Variants in MAN2A1 observed in about 807,000 individuals in gnomAD.
The protein encoded by MAN2A1 is mannosidase alpha class 2A member 1.
In MAN2A1, 76 loss-of-function variants were observed where a neutral mutation model predicts 142.6. The observed-to-expected ratio is 0.53, with a 90% CI of 0.44 to 0.65. The LOEUF (loss-of-function observed/expected upper bound fraction) is 0.65, where lower values mean the gene tolerates loss of function less well. Ranked by LOEUF, MAN2A1 falls within the 30% of genes least tolerant of loss-of-function variation. The pLI is 0.00. For synonymous variants in MAN2A1, 559 were observed against 473.2 expected, an observed-to-expected ratio of 1.18 and a Z score of -2.35; for missense variants, 1,311 against 1,365.1, an observed-to-expected ratio of 0.96 and a Z score of 0.62.
intron 10 of MAN2A1, among the ~76,000 whole-genome samples, chr5:109,787,872 T>G (rs1274541161): frequency 6.6e-6 from 1 of 151,878 alleles, no homozygotes; most frequent in Non-Finnish European, 1.5e-5. Context: ...GTTGGGAAGT[T>G]TAGTTAGATT....
chr5:109,855,177 T>TTA lies in MAN2A1; in HGVS notation c.3015_3016dup (p.Ser1006IlefsTer4). On this transcript the variant is annotated frameshift_variant, in exon 20 of 22. Transcript: ENST00000261483. LOFTEE classifies it high-confidence loss of function. ...AAGTCGGTCAGTTATCCTTCTCTCCTTAGCCACATAACTTCTTCTCTCATG... is the reference window on the plus strand; with the variant it reads ...AAGTCGGTCAGTTATCCTTCTCTCCTTATAGCCACATAACTTCTTCTCTCATG... 6.3e-7 allele frequency: 1 copy of TTA among 1,595,110 alleles called. No individual in the cohort carries two copies. Among genetic ancestry groups the TTA allele is most frequent in the Non-Finnish European group, 8.5e-7 (1 of 1,174,086 alleles).
At chr5:109,736,123 C>T (rs563541870) in intron 4 of MAN2A1, among the ~76,000 whole-genome samples, 1 of 151,956 alleles carries the variant, frequency 6.6e-6, no homozygotes, top group Non-Finnish European at 1.5e-5. Flanking sequence ...AGTTTTTACA[C>T]TGAAATGTTA....
chr5:109,747,215 TC>T (rs1285226433), intron 4 of MAN2A1, among the ~76,000 whole-genome samples: 1 of 152,184 alleles, frequency 6.6e-6, no homozygotes, highest in Admixed American at 6.5e-5. Context: ...TTTTTTTTAA[TC>T]ACTGTCATTT....
At chr5:109,780,540 G>GTGTGTGTA (rs1753428438) in intron 8 of MAN2A1, among the ~76,000 whole-genome samples, 1 of 151,134 alleles carries the variant, frequency 6.6e-6, no homozygotes, top group South Asian at 2.1e-4. Flanking sequence ...GTGTGTGTGT[G>GTGTGTGTA]TGTGTGTGTA....
chr5:109,717,819 G>A (rs765640983), intron 3 of MAN2A1, among the ~76,000 whole-genome samples: 4 of 152,130 alleles, frequency 2.6e-5, no homozygotes, highest in Non-Finnish European at 4.4e-5. Context: ...TAGTTATAAA[G>A]TAATTATAAA....
intron 20 of MAN2A1, among the ~76,000 whole-genome samples, chr5:109,859,709 A>G (rs1463634231): frequency 1.3e-5 from 2 of 152,162 alleles, no homozygotes; most frequent in African/African-American, 4.8e-5. Context: ...GATTGGGTAG[A>G]GAAGATGCAG....
chr5:109,792,562 A>G (rs537988966), intron 12 of MAN2A1, among the ~76,000 whole-genome samples: 1 of 152,274 alleles, frequency 6.6e-6, no homozygotes, highest in South Asian at 2.1e-4. Flanking sequence ...CCTGATGGTC[A>G]AATGTTTTAG....
intron 16 of MAN2A1, among the ~76,000 whole-genome samples, chr5:109,834,240 A>G (rs751920155): frequency 3.9e-5 from 6 of 152,214 alleles, no homozygotes; most frequent in Non-Finnish European, 5.9e-5. Flanking sequence ...GTCCTAGACC[A>G]GCCCAAGCCT....
chr5:109,836,809 T>G (rs1334995986), intron 16 of MAN2A1, among the ~76,000 whole-genome samples: 1 of 152,160 alleles, frequency 6.6e-6, no homozygotes, highest in Non-Finnish European at 1.5e-5. Flanking sequence ...TGTGTCTGTC[T>G]CCATCCACTC....
Position 109,867,059 on chromosome 5 carries a change from G to T in MAN2A1, c.*61G>T. On this transcript the variant is annotated 3_prime_UTR_variant, in exon 22 of 22. Coordinates refer to ENST00000261483, the MANE Select transcript of MAN2A1 (RefSeq NM_002372.4). ...TTTTATACCTTTCTTGGTTTGACGTGCAATAAAGAAGCACATTATTTTAGC... is the reference window on the plus strand; with the variant it reads ...TTTTATACCTTTCTTGGTTTGACGTTCAATAAAGAAGCACATTATTTTAGC... 4 of 1,362,302 alleles carry T rather than the reference G, an allele frequency of 2.9e-6. No homozygotes were observed. Among genetic ancestry groups the T allele is most frequent in the Non-Finnish European group, 4.0e-6 (4 of 1,000,566 alleles). 84.4% of individuals were successfully genotyped at this position (1,362,302 alleles called of 1,614,324 possible). A position where few individuals can be genotyped will look rare whatever the true frequency, so the allele number is the denominator to read the frequency against.
intron 20 of MAN2A1, among the ~76,000 whole-genome samples, chr5:109,857,001 C>T (rs1475333125): frequency 6.6e-6 from 1 of 152,068 alleles, no homozygotes; most frequent in Non-Finnish European, 1.5e-5. Context: ...AGGGAACAGC[C>T]ATTCAAAGGA....
chr5:109,745,526 A>C (rs911489896), intron 4 of MAN2A1, among the ~76,000 whole-genome samples: 7 of 152,178 alleles, frequency 4.6e-5, no homozygotes, highest in African/African-American at 1.7e-4. Flanking sequence ...ATTGTTTACT[A>C]TACAGTGAAA....
At chr5:109,849,764 G>A (rs1370174139) in intron 19 of MAN2A1, among the ~76,000 whole-genome samples, 7 of 150,572 alleles carry the variant, frequency 4.6e-5, no homozygotes, top group African/African-American at 1.5e-4. Context: ...TGAACCCTCT[G>A]ATATCTTCTC....
At chr5:109,756,735 C>CTTTA (rs1398143909) in intron 5 of MAN2A1, among the ~76,000 whole-genome samples, 2 of 152,174 alleles carry the variant, frequency 1.3e-5, no homozygotes, top group African/African-American at 4.8e-5. Context: ...GGTCTGCTAT[C>CTTTA]TTTAGAAAGG....
intron 20 of MAN2A1, among the ~76,000 whole-genome samples, chr5:109,856,885 C>T (rs186716783): frequency 1.3e-5 from 2 of 152,188 alleles, no homozygotes; most frequent in Admixed American, 6.5e-5. Flanking sequence ...CACACAAATG[C>T]CCCTGCCCTT....
chr5:109,811,778 T>G (rs1754326445), intron 12 of MAN2A1, among the ~76,000 whole-genome samples: 1 of 152,186 alleles, frequency 6.6e-6, no homozygotes, highest in African/African-American at 2.4e-5. Context: ...TTCATAAGTT[T>G]ATAACTACAC....
chr5:109,830,125 A>G (rs989497169), intron 16 of MAN2A1, among the ~76,000 whole-genome samples: 1 of 152,216 alleles, frequency 6.6e-6, no homozygotes, highest in Non-Finnish European at 1.5e-5. Context: ...CTGTTCAGAC[A>G]TGTTACAATA....
At chr5:109,817,537 G>C in intron 13 of MAN2A1, 99 bp downstream of exon 13, 1 of 1,202,662 alleles carries the variant, frequency 8.3e-7, no homozygotes, top group Non-Finnish European at 1.2e-6. Context: ...CCATCATGTT[G>C]GTGTATGTGA....
chr5:109,775,036 A>C lies in MAN2A1; in HGVS notation c.1374+71A>C, dbSNP rs370280764. 6.9e-5 allele frequency: 71 copies of C among 1,030,336 alleles called. 1 individual carries two copies. The East Asian group carries it at 1.2e-3, about 17-fold the overall frequency. The allele number at this position is 1,030,336 out of a possible 1,614,324, so 63.8% of individuals were successfully genotyped here. ...ATTATTAAATGAGACTATAAACAGA[A>C]ATCCTTAGCTTCTTTGTCCTACATC... is the stretch of plus-strand genomic sequence containing the variant. On this transcript the variant is annotated intron_variant, in intron 8 of 21. Coordinates refer to ENST00000261483, the MANE Select transcript of MAN2A1 (RefSeq NM_002372.4).
Sources: allele counts gnomAD v4.1 joint callset (sites outside exome capture counted in the v4.1 genomes callset), GRCh38; gene constraint gnomAD v4.1.1; transcripts MANE v1.5; gene names NCBI Gene and HGNC (gene_info 2026-07-23, HGNC 2026-07-21).